The following SIGLEC10 variants were observed in gnomAD, a reference collection of about 807,000 sequenced individuals.
SIGLEC10 encodes sialic acid binding Ig like lectin 10.
A neutral mutation model predicts 68.3 loss-of-function variants in SIGLEC10; 45 were observed. That is an observed-to-expected ratio of 0.66 (90% CI 0.52 to 0.84). SIGLEC10 has a LOEUF of 0.84. Among genes scored for constraint, SIGLEC10 ranks in the 40% least tolerant of loss-of-function variants. SIGLEC10 has a pLI of 0.00. For missense variants in SIGLEC10, 789 were observed against 883.1 expected (o/e 0.89, Z 1.35); for synonymous variants, 379 against 370.8 (o/e 1.02, Z -0.26).
In SIGLEC10 at chr19:51,416,854, C is replaced by T. The variant is rs1264962677; in HGVS notation, c.518G>A (p.Cys173Tyr). The T allele has an allele frequency of 6.2e-7, 1 of 1,614,148 alleles. No individual in the cohort carries two copies. Among genetic ancestry groups the T allele is most frequent in the Admixed American group, 1.7e-5 (1 of 60,016 alleles). Residue 173 changes from cysteine (C) to tyrosine (Y), a missense_variant, in exon 3 of 11, where the codon TGT becomes TAT. By Grantham distance (194) the Cys-to-Tyr change is radical. Coordinates refer to ENST00000339313, the MANE Select transcript of SIGLEC10 (RefSeq NM_033130.5). ...CGTCCAGGAGAAAGAAGGGGGTGGACATTCCTCAAAGGCCCAGTTAAACAC... is the reference window on the plus strand; with the variant it reads ...CGTCCAGGAGAAAGAAGGGGGTGGATATTCCTCAAAGGCCCAGTTAAACAC... ...ICVFNWAFEE[C>Y]PPPSFSWTGA...
intron 5 of SIGLEC10, 104 bp from the exon 6 acceptor site, chr19:51,415,719 G>A: frequency 1.3e-6 from 2 of 1,593,390 alleles, no homozygotes; most frequent in South Asian, 1.1e-5. Flanking sequence ...TGGGATAGAA[G>A]GGCAGGGCAG....
At position 51,415,315 on chromosome 19, in the gene SIGLEC10, A is replaced by G; in HGVS notation, c.1196T>C (p.Leu399Pro). The G allele has an allele frequency of 6.2e-7, 1 of 1,613,932 alleles. No individual in the cohort carries two copies. The highest frequency in any genetic ancestry group is 8.5e-7 in the Non-Finnish European group (1 of 1,179,898). Residue 399 changes from leucine to proline, a missense_variant, in exon 7 of 11, where the codon CTG (leucine) becomes CCG (proline). Coordinates refer to ENST00000339313, the MANE Select transcript of SIGLEC10 (RefSeq NM_033130.5). ...RLSWTQRGQV[L>P]SPSQPSDPGV... ...GGGGTCTGAGGGCTGGGAGGGGCTC[A>G]GAACCTGTCCCCTCTGGGTCCAGCT... is the stretch of plus-strand genomic sequence containing the variant.
At position 51,416,684 on chromosome 19, in the gene SIGLEC10, C is replaced by G; in HGVS notation, c.688G>C (p.Val230Leu). 1.9e-6 allele frequency: 3 copies of G among 1,613,836 alleles called. No homozygotes were observed. Among genetic ancestry groups the G allele is most frequent in the South Asian group, 1.1e-5 (1 of 91,070 alleles). ...CACTCACAGGCCACACGGAGTCGGA[C>G]GGTCCTCTGTGCGCTCACACCCTTT... ...SRKGVSAQRT[V>L]RLRVAYAPRD... The change falls in exon 3 of 11, where the codon GTC becomes CTC. Residue 230 changes from valine to leucine, a missense_variant. By Grantham distance (32) the Val-to-Leu change is conservative (BLOSUM62 1). Transcript: ENST00000339313.
In SIGLEC10 at chr19:51,414,327, C is replaced by T. The variant is rs879329629; in HGVS notation, c.1709+95G>A. ...TACTCATGTAACCTCCAGAGGTATA[C>T]TGCGTTGATCACGACCTTCACTCTT... is the stretch of plus-strand genomic sequence containing the variant. On this transcript the variant is annotated intron_variant, in intron 9 of 10. Coordinates refer to ENST00000339313, the MANE Select transcript of SIGLEC10 (RefSeq NM_033130.5). This position sits in a 1 kb window ranked among gnomAD's most constrained non-coding sequence, Gnocchi z 4.1. The T allele has an allele frequency of 6.0e-6, 6 of 993,572 alleles. No homozygotes were observed. The highest frequency in any genetic ancestry group is 9.4e-6 in the Non-Finnish European group (6 of 640,582). The allele number at this position is 993,572 out of a possible 1,614,324, so 61.5% of individuals were successfully genotyped here.
intron 10 of SIGLEC10, among the ~76,000 whole-genome samples, chr19:51,413,375 G>A (rs1321296283): frequency 6.6e-6 from 1 of 152,124 alleles, no homozygotes; most frequent in Non-Finnish European, 1.5e-5. Context: ...TCCCTAGGAT[G>A]CCCAGCCTCC....
rs184591039 is a variant in SIGLEC10, at chr19:51,416,447, A to G, written c.707-90T>C. 8.4e-4 allele frequency: 1,353 copies of G among 1,608,394 alleles called. 16 individuals are homozygous for G. The African/African-American group carries it at 0.016, about 19-fold the overall frequency. ...CCCTCAGGGAAAAGAAAGTGGGACT[A>G]TCCCGGGAAGACAAGTGACAACCAG... On this transcript the variant is annotated intron_variant, in intron 3 of 10. Transcript: ENST00000339313.
chr19:51,417,177 T>A lies in SIGLEC10; in HGVS notation c.326A>T (p.Gln109Leu). 6.2e-7 allele frequency: 1 copy of A among 1,614,230 alleles called. No individual in the cohort carries two copies. Among genetic ancestry groups the A allele is most frequent in the South Asian group, 1.1e-5 (1 of 91,090 alleles). Residue 109 changes from glutamine (Q) to leucine (L), a missense_variant, in exon 2 of 11, where the codon CAG (glutamine) becomes CTG (leucine). Physicochemically the swap from Gln to Leu is moderately radical, Grantham distance 113. Coordinates refer to ENST00000339313, the MANE Select transcript of SIGLEC10 (RefSeq NM_033130.5). ...GNCSLVIRDA[Q>L]MQDESQYFFR... Reference sequence around the variant, plus strand: ...GAAGTACTGTGACTCATCCTGCATCTGCGCGTCTCTGATCACCAAGGAGCA... The same window carrying A: ...GAAGTACTGTGACTCATCCTGCATCAGCGCGTCTCTGATCACCAAGGAGCA...
At chr19:51,412,198 G>C (rs1010456064) in intron 10 of SIGLEC10, among the ~76,000 whole-genome samples, 1 of 151,864 alleles carries the variant, frequency 6.6e-6, no homozygotes, top group Non-Finnish European at 1.5e-5. Flanking sequence ...CATGCACGGA[G>C]AGAAAGACTG....
intron 10 of SIGLEC10, among the ~76,000 whole-genome samples, chr19:51,412,491 T>C (rs1988108661): frequency 1.3e-5 from 2 of 152,080 alleles, no homozygotes; most frequent in Admixed American, 6.6e-5. Flanking sequence ...AGTCTTTTTT[T>C]TTTTTTAGAT....
rs780402475 is a variant in SIGLEC10, at chr19:51,414,984, C to A, written c.1455G>T (p.Gly485=). The A allele has an allele frequency of 1.2e-6, 2 of 1,613,100 alleles. No individual in the cohort carries two copies. Among genetic ancestry groups the A allele is most frequent in the East Asian group, 2.2e-5 (1 of 44,866 alleles). Residue 485 remains glycine, a synonymous_variant, in exon 8 of 11, where the codon GGG becomes GGT. Coordinates refer to ENST00000339313, the MANE Select transcript of SIGLEC10 (RefSeq NM_033130.5). This position sits in a 1 kb window ranked among gnomAD's most constrained non-coding sequence, Gnocchi z 4.1. ...CCTCGAAGGAGTCCTGGCTGCTGTT[C>A]CCCTCCAGCAGCTCCTCCCCAAGCC... is the stretch of plus-strand genomic sequence containing the variant. ...RWWLGEELLE[G]NSSQDSFEVT...
At chr19:51,416,457 G>A (rs1988668939) in intron 3 of SIGLEC10, 100 bp from the exon 4 acceptor site, 1 of 1,609,916 alleles carries the variant, frequency 6.2e-7, no homozygotes, top group Admixed American at 1.7e-5. Context: ...ATCCCGGGAA[G>A]ACAAGTGACA....
chr19:51,416,764 G>C lies in SIGLEC10; in HGVS notation c.608C>G (p.Thr203Arg). The C allele has an allele frequency of 6.2e-7, 1 of 1,614,228 alleles. No homozygotes were observed. Among genetic ancestry groups the C allele is most frequent in the Non-Finnish European group, 8.5e-7 (1 of 1,180,042 alleles). Residue 203 changes from threonine (T) to arginine (R), a missense_variant, in exon 3 of 11, where the codon ACG (threonine) becomes AGG (arginine). Coordinates refer to ENST00000339313, the MANE Select transcript of SIGLEC10 (RefSeq NM_033130.5). Reference sequence around the variant, plus strand: ...GGTGTTGTGGTCCTGGGGTCTGGGCGTGAAGCTGAGCACTGAGAAGTGGGA... The same window carrying C: ...GGTGTTGTGGTCCTGGGGTCTGGGCCTGAAGCTGAGCACTGAGAAGTGGGA... ...TTSHFSVLSF[T>R]PRPQDHNTDL...
At position 51,416,248 on chromosome 19, in the gene SIGLEC10, T is replaced by C. The variant is rs200959582; in HGVS notation, c.754+62A>G. The C allele has an allele frequency of 1.7e-3, 2,698 of 1,611,376 alleles. 33 individuals carry two copies. The East Asian group carries it at 0.028, about 17-fold the overall frequency. On this transcript the variant is annotated intron_variant, in intron 4 of 10. Coordinates refer to ENST00000339313, the MANE Select transcript of SIGLEC10 (RefSeq NM_033130.5). ...GTACAGGGAGGAGCACATCCCCTCA[T>C]CCCCTGAAGCCTTTTCATCTAAAGA... is the stretch of plus-strand genomic sequence containing the variant.
At chr19:51,416,641 C>T in intron 3 of SIGLEC10, 25 bp downstream of exon 3, 1 of 1,612,220 alleles carries the variant, frequency 6.2e-7, no homozygotes, top group Non-Finnish European at 8.5e-7. Context: ...TGTCTGCACA[C>T]CCCACCCTCC....
chr19:51,417,545 C>T lies in SIGLEC10; in HGVS notation c.37G>A (p.Gly13Arg), dbSNP rs1228750323. The change falls in exon 1 of 11, where the codon GGG becomes AGG. Residue 13 changes from glycine (G) to arginine (R), a missense_variant and splice_region_variant. Gly to Arg is a moderately radical substitution (Grantham distance 125). Coordinates refer to ENST00000339313, the MANE Select transcript of SIGLEC10 (RefSeq NM_033130.5). ...CCTTTCCGGCCCTTGGCCCACTCAC[C>T]GCCCAGCAGCGAGGACAGCAGCAGT... ...LPLLLSSLLGGSQAMDGRFWI... is the reference protein window; with the variant it reads ...LPLLLSSLLGRSQAMDGRFWI... 6 of 1,614,114 alleles carry T rather than the reference C, an allele frequency of 3.7e-6. No homozygotes were observed. Among genetic ancestry groups the T allele is most frequent in the South Asian group, 1.1e-5 (1 of 91,092 alleles).
In SIGLEC10 at chr19:51,411,088, C is replaced by T; in HGVS notation, c.*11G>A. The stretch of plus-strand genomic sequence containing the variant: ...CTAGCCGAAGTCCCAGTCCTAAAGC[C>T]TAAGAGACCCTCATTGGAACTTGAC... On this transcript the variant is annotated 3_prime_UTR_variant, in exon 11 of 11. Transcript: ENST00000339313. The T allele has an allele frequency of 1.9e-6, 3 of 1,611,416 alleles. No homozygotes were observed. Among genetic ancestry groups the T allele is most frequent in the Non-Finnish European group, 2.5e-6 (3 of 1,178,034 alleles).
chr19:51,414,737 C>T lies in SIGLEC10; in HGVS notation c.1615+87G>A, dbSNP rs149753387. 2.2e-4 allele frequency: 344 copies of T among 1,585,704 alleles called. No individual in the cohort carries two copies. In the African/African-American group the frequency reaches 4.3e-3, roughly 20 times the overall value. On this transcript the variant is annotated intron_variant, in intron 8 of 10. Coordinates refer to ENST00000339313, the MANE Select transcript of SIGLEC10 (RefSeq NM_033130.5). This position sits in a 1 kb window ranked among gnomAD's most constrained non-coding sequence, Gnocchi z 4.1. ...ATGCCACGGGTCTGCTGTGTCCCTC[C>T]AAGCTCCTGCTCCAACCACAGGACC...
chr19:51,414,668 C>T lies in SIGLEC10; in HGVS notation c.1616-153G>A. On this transcript the variant is annotated intron_variant, in intron 8 of 10. Transcript: ENST00000339313. The surrounding 1 kb of genome is among the most constrained non-coding windows in gnomAD (Gnocchi z 4.1). The stretch of plus-strand genomic sequence containing the variant: ...TTAGGAAACCCTGCCACACCCCGGC[C>T]CAGGTGTTAGGACTTCCCATTGTGT... 1 of 1,394,958 alleles carries T rather than the reference C, an allele frequency of 7.2e-7. No homozygotes were observed. Among genetic ancestry groups the T allele is most frequent in the Non-Finnish European group, 1.0e-6 (1 of 993,592 alleles). The allele number at this position is 1,394,958 out of a possible 1,614,324, so 86.4% of individuals were successfully genotyped here.
chr19:51,415,648 G>A (rs1311132196), intron 5 of SIGLEC10, 33 bp from the exon 6 acceptor site: 16 of 1,613,728 alleles, frequency 9.9e-6, no homozygotes, highest in Non-Finnish European at 1.2e-5. Flanking sequence ...GCTCTAGACG[G>A]ACCAGGGGCT....
Sources: allele counts gnomAD v4.1 joint callset (sites outside exome capture counted in the v4.1 genomes callset), GRCh38; gene constraint gnomAD v4.1.1; non-coding constraint Gnocchi (gnomAD v3.1); transcripts MANE v1.5; gene names NCBI Gene and HGNC (gene_info 2026-07-23, HGNC 2026-07-21).